The following PDE4D variants were observed in gnomAD, a reference collection of about 807,000 sequenced individuals.
The protein encoded by PDE4D is 3',5'-cyclic-AMP phosphodiesterase 4D.
Under a neutral mutation model 87.4 loss-of-function variants are expected in PDE4D, and 24 were observed. That is an observed-to-expected ratio of 0.27 (90% CI 0.20 to 0.39). The LOEUF (loss-of-function observed/expected upper bound fraction) is 0.39. Among genes scored for constraint, PDE4D ranks in the 10% least tolerant of loss-of-function variants. The pLI, the probability that PDE4D is intolerant of heterozygous loss-of-function variation, is 1.00. For missense variants in PDE4D, 714 were observed against 1,041.0 expected (o/e 0.69, Z 4.32); for synonymous variants, 384 against 383.2 (o/e 1.00, Z -0.02).
chr5:59,141,611 T>A (rs1330121822), intron 5 of PDE4D, among the ~76,000 whole-genome samples: 2 of 152,246 alleles, frequency 1.3e-5, no homozygotes, highest in South Asian at 2.1e-4. Context: ...CGGGCTTTTT[T>A]TGAAGACTAT....
chr5:59,967,067 C>G (rs956685665), intron 3 of PDE4D, among the ~76,000 whole-genome samples: 1 of 152,100 alleles, frequency 6.6e-6, no homozygotes, highest in African/African-American at 2.4e-5. Flanking sequence ...TTCTCAGAAT[C>G]TCAAATGCCC....
chr5:59,988,398 C>A, intron 3 of PDE4D: 1 of 724,350 alleles, frequency 1.4e-6, no homozygotes, highest in Non-Finnish European at 2.2e-6. Context: ...CCACTCAAAT[C>A]AAGCAATGAG....
At chr5:60,083,925 C>A (rs1361684438) in intron 2 of PDE4D, among the ~76,000 whole-genome samples, 1 of 152,134 alleles carries the variant, frequency 6.6e-6, no homozygotes, top group Non-Finnish European at 1.5e-5. Context: ...CTCTTGACCC[C>A]ATTTAGCTTT....
chr5:59,231,049 T>C (rs1755070230), intron 1 of PDE4D, among the ~76,000 whole-genome samples: 1 of 152,202 alleles, frequency 6.6e-6, no homozygotes, highest in Admixed American at 6.5e-5. Context: ...AGATTAGCTT[T>C]CTCTCATGAT....
chr5:59,096,119 TA>T (rs1052192962), intron 5 of PDE4D, among the ~76,000 whole-genome samples: 1 of 152,006 alleles, frequency 6.6e-6, no homozygotes, highest in African/African-American at 2.4e-5. Context: ...ACAGAGGAAA[TA>T]GCTGAAAAGG....
At chr5:59,558,867 A>G (rs1819445437) in intron 1 of PDE4D, 1 of 152,224 alleles carries the variant, frequency 6.6e-6, no homozygotes, top group Non-Finnish European at 1.5e-5. Context: ...TACACATAAT[A>G]TGAATGTCCA....
At chr5:59,377,984 G>A (rs1785015809) in intron 1 of PDE4D, among the ~76,000 whole-genome samples, 1 of 152,150 alleles carries the variant, frequency 6.6e-6, no homozygotes, top group Admixed American at 6.5e-5. Flanking sequence ...GCATGTGTAT[G>A]ATCATTGCAG....
intron 11 of PDE4D, among the ~76,000 whole-genome samples, chr5:58,983,416 TGTC>T (rs1745693642): frequency 6.6e-6 from 1 of 152,210 alleles, no homozygotes; most frequent in Non-Finnish European, 1.5e-5. Context: ...GATGATGAAA[TGTC>T]GTACATGCCC....
At chr5:59,593,003 G>A (rs1380258485) in intron 1 of PDE4D, among the ~76,000 whole-genome samples, 3 of 151,452 alleles carry the variant, frequency 2.0e-5, no homozygotes, top group African/African-American at 7.2e-5. Context: ...AATAAGAAGA[G>A]CTCTTTAAAT....
At chr5:59,778,957 G>A (rs1764342443) in intron 1 of PDE4D, among the ~76,000 whole-genome samples, 1 of 152,102 alleles carries the variant, frequency 6.6e-6, no homozygotes, top group Admixed American at 6.6e-5. Flanking sequence ...CTGAGGTCAG[G>A]AATTTGAGAC....
chr5:60,461,592 T>TTGAC (rs1237212424), intron 1 of PDE4D, among the ~76,000 whole-genome samples: 1 of 152,232 alleles, frequency 6.6e-6, no homozygotes, highest in Admixed American at 6.5e-5. Context: ...GCCTTTCCAT[T>TTGAC]TGACTGATTC....
At chr5:60,362,614 T>G (rs1259519310) in intron 1 of PDE4D, among the ~76,000 whole-genome samples, 1 of 152,156 alleles carries the variant, frequency 6.6e-6, no homozygotes, top group Non-Finnish European at 1.5e-5. Context: ...TCCCAGCACT[T>G]TGGGAGACTG....
rs577197679 is a variant in PDE4D, at chr5:59,092,792, C to T, written c.809-53821G>A. Among the ~76,000 whole-genome samples the T allele has an allele frequency of 3.9e-5, 6 of 152,304 alleles. No homozygotes were observed. The South Asian group carries it at 1.0e-3, about 26-fold the overall frequency. On this transcript the variant is annotated intron_variant, in intron 5 of 14. Coordinates refer to ENST00000340635, the MANE Select transcript of PDE4D (RefSeq NM_001104631.2). ...TAAAGAACTTTGCACAGTGCAAATA[C>T]ATAGTGAGCACGCATTGAGTTTTAT... is the stretch of plus-strand genomic sequence containing the variant.
At position 60,473,088 on chromosome 5, in the gene PDE4D, G is replaced by C. The variant is rs1278129672; in HGVS notation, c.-90+14854C>G. Among the ~76,000 whole-genome samples, 4 of 125,160 alleles carry C rather than the reference G, an allele frequency of 3.2e-5. No homozygotes were observed. In the South Asian group the frequency reaches 7.9e-4, roughly 25 times the overall value. The allele number at this position is 125,160 out of a possible 152,430, so 82.1% of individuals were successfully genotyped here. ...GGAGGGAGGGAGAGACAGAGAGAGA[G>C]AGATGAAAGAAAGAAAGAAAGAGAG... On this transcript the variant is annotated intron_variant, in intron 1 of 16. Transcript: ENST00000502484.
At chr5:59,296,282 A>C (rs762486535) in intron 1 of PDE4D, among the ~76,000 whole-genome samples, 23 of 152,242 alleles carry the variant, frequency 1.5e-4, no homozygotes, top group Non-Finnish European at 3.4e-4. Flanking sequence ...AATAAATAAT[A>C]GTAACCATAC....
chr5:59,708,813 A>T (rs1439577806), intron 1 of PDE4D, among the ~76,000 whole-genome samples: 4 of 152,114 alleles, frequency 2.6e-5, no homozygotes, highest in Admixed American at 6.6e-5. Context: ...CTAAGCTTTA[A>T]TTAATGAACG....
At position 59,513,445 on chromosome 5, in the gene PDE4D, A is replaced by C. The variant is rs78983308; in HGVS notation, c.456-297477T>G. On this transcript the variant is annotated intron_variant, in intron 1 of 14. Transcript: ENST00000340635. Reference sequence around the variant, plus strand: ...CATATTTGAGCTTTAATGAGAAAACATTGTAAGGATGAACAAAATCCTTTA... The same window carrying C: ...CATATTTGAGCTTTAATGAGAAAACCTTGTAAGGATGAACAAAATCCTTTA... 7.3e-3 allele frequency among the ~76,000 whole-genome samples: 1,111 copies of C among 152,324 alleles called. 10 individuals carry two copies. Among genetic ancestry groups the C allele is most frequent in the Non-Finnish European group, 0.011 (730 of 68,008 alleles).
intron 5 of PDE4D, among the ~76,000 whole-genome samples, chr5:59,157,856 C>G (rs948164618): frequency 6.6e-6 from 1 of 152,062 alleles, no homozygotes; most frequent in Non-Finnish European, 1.5e-5. Flanking sequence ...ACTGATGGAA[C>G]AAAGAAAGGA....
intron 1 of PDE4D, among the ~76,000 whole-genome samples, chr5:59,737,610 G>T (rs1317028263): frequency 6.6e-6 from 1 of 152,044 alleles, no homozygotes; most frequent in Non-Finnish European, 1.5e-5. Flanking sequence ...AATTCTCACA[G>T]TACAGTAAAA....
Sources: gnomAD v4.1 joint callset for allele counts (sites outside exome capture counted in the v4.1 genomes callset) on GRCh38, gnomAD v4.1.1 for gene constraint, MANE v1.5 for transcripts, NCBI Gene and HGNC (gene_info 2026-07-23, HGNC 2026-07-21) for gene names.